UBE2E3: variants seen among roughly 807,000 people sequenced by gnomAD.
UBE2E3 encodes the protein ubiquitin-conjugating enzyme E2 E3.
Under a neutral mutation model 23.6 loss-of-function variants are expected in UBE2E3, and 5 were observed. The ratio of observed to expected loss-of-function variants is 0.21; its 90% CI spans 0.11 to 0.44. The LOEUF (loss-of-function observed/expected upper bound fraction) is 0.44, where lower values mean the gene tolerates loss of function less well. Ranked by LOEUF, UBE2E3 falls within the 20% of genes least tolerant of loss-of-function variation. The probability of loss-of-function intolerance (pLI) is 0.99; values close to 1 mark genes in which losing one functional copy is unlikely to be tolerated. For synonymous variants in UBE2E3, 78 were observed against 87.5 expected, an observed-to-expected ratio of 0.89 and a Z score of 0.60; for missense variants, 81 against 249.8, an observed-to-expected ratio of 0.32 and a Z score of 4.55.
intron 3 of UBE2E3, among the ~76,000 whole-genome samples, chr2:180,999,252 A>T (rs1236773515): frequency 6.6e-6 from 1 of 152,212 alleles, no homozygotes; most frequent in Non-Finnish European, 1.5e-5. Context: ...CTGACGTTCC[A>T]CAGTAGGCTA....
intron 3 of UBE2E3, among the ~76,000 whole-genome samples, chr2:180,996,392 GA>G (rs1472493666): frequency 1.3e-5 from 2 of 151,324 alleles, no homozygotes; most frequent in African/African-American, 4.8e-5. Flanking sequence ...GAATTAAACT[GA>G]GGGGGTAGTT....
At chr2:181,013,222 C>T (rs1029279304) in intron 3 of UBE2E3, among the ~76,000 whole-genome samples, 1 of 152,108 alleles carries the variant, frequency 6.6e-6, no homozygotes, top group Non-Finnish European at 1.5e-5. Flanking sequence ...TTATCTATTG[C>T]TACTTAACAA....
chr2:180,993,774 C>T (rs1684744732), intron 3 of UBE2E3, among the ~76,000 whole-genome samples: 1 of 152,142 alleles, frequency 6.6e-6, no homozygotes, highest in African/African-American at 2.4e-5. Flanking sequence ...GAATCGATCT[C>T]AGAAGATTGT....
intron 3 of UBE2E3, among the ~76,000 whole-genome samples, chr2:180,995,860 G>A (rs1684808816): frequency 6.6e-6 from 1 of 151,422 alleles, no homozygotes; most frequent in Admixed American, 6.6e-5. Context: ...TTTCTGTGAT[G>A]TTAGCAGCCA....
intron 3 of UBE2E3, among the ~76,000 whole-genome samples, chr2:181,011,390 G>C (rs1264546517): frequency 6.6e-6 from 1 of 151,980 alleles, no homozygotes; most frequent in East Asian, 1.9e-4. Flanking sequence ...GCCAAACTCA[G>C]TCTTTTATAA....
intron 3 of UBE2E3, among the ~76,000 whole-genome samples, chr2:181,053,023 C>G (rs970668018): frequency 6.6e-6 from 1 of 151,848 alleles, no homozygotes; most frequent in African/African-American, 2.4e-5. Context: ...TTAGTCGTTT[C>G]ACCACCCTTT....
intron 3 of UBE2E3, among the ~76,000 whole-genome samples, chr2:181,039,914 T>C (rs1686430905): frequency 6.6e-6 from 1 of 152,228 alleles, no homozygotes; most frequent in Non-Finnish European, 1.5e-5. Flanking sequence ...ACAATATAAA[T>C]AATAGTTGTT....
At chr2:181,041,050 C>T (rs1005839165) in intron 3 of UBE2E3, among the ~76,000 whole-genome samples, 5 of 151,880 alleles carry the variant, frequency 3.3e-5, no homozygotes, top group Non-Finnish European at 5.9e-5. Context: ...GAGATCAAAA[C>T]CATCCTGGCC....
intron 3 of UBE2E3, among the ~76,000 whole-genome samples, chr2:180,997,832 A>T (rs1214743991): frequency 6.6e-6 from 1 of 152,106 alleles, no homozygotes; most frequent in African/African-American, 2.4e-5. Flanking sequence ...AGTGGTAGTG[A>T]TCTTTTAAAG....
chr2:180,980,553 A>G (rs1684235754), upstream of UBE2E3: 2 of 147,604 alleles, frequency 1.4e-5, no homozygotes, highest in African/African-American at 4.9e-5. The surrounding 1 kb of genome is among the most constrained non-coding windows in gnomAD (Gnocchi z 5.5). Context: ...CCAGGCAAGC[A>G]GCGAGCACGC....
chr2:181,047,276 T>C (rs933647353), intron 3 of UBE2E3, among the ~76,000 whole-genome samples: 1 of 152,148 alleles, frequency 6.6e-6, no homozygotes, highest in Admixed American at 6.6e-5. Context: ...GACTTAGGTG[T>C]GGTGGTCTCA....
chr2:181,058,191 G>A (rs1220213683), intron 4 of UBE2E3, among the ~76,000 whole-genome samples: 1 of 151,660 alleles, frequency 6.6e-6, no homozygotes, highest in Non-Finnish European at 1.5e-5. Context: ...AAGTAAAACT[G>A]TTTGACAGCT....
intron 3 of UBE2E3, among the ~76,000 whole-genome samples, chr2:181,000,623 C>T (rs1684963692): frequency 6.7e-6 from 1 of 149,954 alleles, no homozygotes; most frequent in Non-Finnish European, 1.5e-5. Context: ...GGCTTGATCT[C>T]AGCTCACTGC....
At chr2:180,991,795 A>C (rs1406070137) in intron 3 of UBE2E3, among the ~76,000 whole-genome samples, 1 of 150,800 alleles carries the variant, frequency 6.6e-6, no homozygotes, top group African/African-American at 2.4e-5. Flanking sequence ...GTATGGATAA[A>C]CTGGACAAAA....
chr2:181,023,253 CTGTA>C (rs1685764715), intron 3 of UBE2E3, among the ~76,000 whole-genome samples: 1 of 152,168 alleles, frequency 6.6e-6, no homozygotes, highest in South Asian at 2.1e-4. Context: ...TGAGAATTGA[CTGTA>C]TGCTGAATAG....
chr2:180,987,207 A>T (rs1007835711), intron 3 of UBE2E3: 13 of 983,038 alleles, frequency 1.3e-5, no homozygotes, highest in Non-Finnish European at 1.8e-5. Flanking sequence ...AAGTATAAAT[A>T]ATTTATACAT....
intron 3 of UBE2E3, among the ~76,000 whole-genome samples, chr2:180,993,473 A>G (rs766555601): frequency 6.6e-6 from 1 of 152,202 alleles, no homozygotes; most frequent in Non-Finnish European, 1.5e-5. Flanking sequence ...CTCTAGTCCA[A>G]AATTGCTTTT....
intron 3 of UBE2E3, among the ~76,000 whole-genome samples, chr2:181,055,634 A>G (rs73974756): frequency 0.018 from 2,735 of 151,652 alleles, 69 homozygotes; most frequent in African/African-American, 0.063. Flanking sequence ...TGCTTAGTCT[A>G]CTCCAAGACA....
chr2:180,985,788 A>G (rs978437379), intron 3 of UBE2E3, among the ~76,000 whole-genome samples: 1 of 152,156 alleles, frequency 6.6e-6, no homozygotes, highest in Non-Finnish European at 1.5e-5. Flanking sequence ...TGTAGGGTCA[A>G]ACATTTTTAA....
Sources: allele counts gnomAD v4.1 joint callset (sites outside exome capture counted in the v4.1 genomes callset), GRCh38; gene constraint gnomAD v4.1.1; non-coding constraint Gnocchi (gnomAD v3.1); transcripts MANE v1.5; gene names NCBI Gene and HGNC (gene_info 2026-07-23, HGNC 2026-07-21).